TCF4: variants seen among roughly 807,000 people sequenced by gnomAD.
The protein encoded by TCF4 is transcription factor 4.
A neutral mutation model predicts 82.1 loss-of-function variants in TCF4; 3 were observed. The ratio of observed to expected loss-of-function variants is 0.04; its 90% CI spans 0.02 to 0.09. The LOEUF (loss-of-function observed/expected upper bound fraction) is 0.09, where lower values mean the gene tolerates loss of function less well. Among genes scored for constraint, TCF4 ranks in the 10% least tolerant of loss-of-function variants. The pLI is 1.00. For synonymous variants in TCF4, 276 were observed against 309.6 expected (o/e 0.89, Z 1.14); for missense variants, 518 against 852.7 (o/e 0.61, Z 4.89).
chr18:55,472,515 C>T (rs1199642288), intron 3 of TCF4, among the ~76,000 whole-genome samples: 2 of 152,012 alleles, frequency 1.3e-5, no homozygotes, highest in Admixed American at 1.3e-4. Context: ...AGAAGTTAGT[C>T]GTTTGGGGAT....
chr18:55,233,331 G>A (rs2048414424), intron 16 of TCF4, among the ~76,000 whole-genome samples: 1 of 152,142 alleles, frequency 6.6e-6, no homozygotes, highest in Admixed American at 6.5e-5. Flanking sequence ...TTTGTAATCT[G>A]TGTATTCTAG....
intron 9 of TCF4, 109 bp from the exon 10 acceptor site, chr18:55,275,861 T>C: frequency 5.0e-6 from 7 of 1,409,752 alleles, no homozygotes; most frequent in South Asian, 1.2e-5. Context: ...TATTCATCTT[T>C]GTGTTGGTTA....
intron 3 of TCF4, among the ~76,000 whole-genome samples, chr18:55,583,191 T>A (rs1325202194): frequency 2.0e-5 from 3 of 152,128 alleles, no homozygotes; most frequent in African/African-American, 7.2e-5. Context: ...AAGTAAACAT[T>A]TGGTCCTGAA....
At chr18:55,610,138 A>G (rs1011151137) in intron 2 of TCF4, among the ~76,000 whole-genome samples, 11 of 152,200 alleles carry the variant, frequency 7.2e-5, no homozygotes, top group African/African-American at 1.7e-4. Context: ...ACTTGGATCC[A>G]GAAAAGTAGA....
At position 55,476,422 on chromosome 18, in the gene TCF4, G is replaced by A. The variant is rs527481493; in HGVS notation, c.146-12285C>T. 5.9e-5 allele frequency among the ~76,000 whole-genome samples: 9 copies of A among 152,166 alleles called. No individual in the cohort carries two copies. In the South Asian group the frequency reaches 1.9e-3, roughly 32 times the overall value. ...TTATAATCAATATAAGGTAGAAACA[G>A]TCCCTTTAACCTTTAGATGAAGCCC... On this transcript the variant is annotated intron_variant, in intron 3 of 19. Transcript: ENST00000354452.
chr18:55,245,114 C>G (rs1035165959), intron 15 of TCF4, among the ~76,000 whole-genome samples: 3 of 152,158 alleles, frequency 2.0e-5, no homozygotes, highest in African/African-American at 7.2e-5. Context: ...AGGTAGAACC[C>G]TCGCATTACA....
intron 3 of TCF4, among the ~76,000 whole-genome samples, chr18:55,577,889 T>C (rs920064067): frequency 2.0e-5 from 3 of 152,226 alleles, no homozygotes; most frequent in Non-Finnish European, 4.4e-5. Context: ...GTTTAACTAT[T>C]TGAAGTTTAA....
intron 3 of TCF4, among the ~76,000 whole-genome samples, chr18:55,509,613 C>T (rs1392368657): frequency 2.0e-5 from 3 of 152,150 alleles, no homozygotes; most frequent in African/African-American, 4.8e-5. Flanking sequence ...TGGCTAGTGG[C>T]TTAATGTGAC....
chr18:55,363,662 C>T (rs998859344), intron 6 of TCF4, among the ~76,000 whole-genome samples: 2 of 151,986 alleles, frequency 1.3e-5, no homozygotes, highest in African/African-American at 4.8e-5. Flanking sequence ...AAAAATTAAC[C>T]AGGCGTGGTA....
In TCF4 at chr18:55,457,442, T is replaced by C. The variant is rs183367420; in HGVS notation, c.304+3577A>G. 9.2e-5 allele frequency among the ~76,000 whole-genome samples: 14 copies of C among 152,332 alleles called. No homozygotes were observed. The East Asian group carries it at 2.3e-3, about 25-fold the overall frequency. ...CACAAACTATCAAATAGTGCATTTT[T>C]CCACACACACAAGATTATTTCTAAA... On this transcript the variant is annotated intron_variant, in intron 5 of 19. Transcript: ENST00000354452.
At chr18:55,530,506 C>T (rs769546680) in intron 3 of TCF4, among the ~76,000 whole-genome samples, 10 of 114,220 alleles carry the variant, frequency 8.8e-5, no homozygotes, top group East Asian at 2.9e-4. Context: ...GATGGCTGGA[C>T]GGTAAAGGAA....
chr18:55,604,921 T>C (rs1182239630), intron 2 of TCF4, among the ~76,000 whole-genome samples: 1 of 152,248 alleles, frequency 6.6e-6, no homozygotes, highest in Non-Finnish European at 1.5e-5. Flanking sequence ...ACATAAGCAT[T>C]GAGGACCAAT....
intron 2 of TCF4, among the ~76,000 whole-genome samples, chr18:55,618,125 A>G (rs1211712980): frequency 6.6e-6 from 1 of 152,082 alleles, no homozygotes; most frequent in East Asian, 1.9e-4. Context: ...AATTCCTTCT[A>G]TACTTAGCTT....
intron 8 of TCF4, among the ~76,000 whole-genome samples, chr18:55,310,942 G>A (rs549385617): frequency 1.8e-4 from 28 of 152,238 alleles, no homozygotes; most frequent in African/African-American, 6.0e-4. Flanking sequence ...ACAAATATAT[G>A]TTTAGGGTAT....
chr18:55,594,393 G>C (rs949017168), intron 2 of TCF4, among the ~76,000 whole-genome samples: 1 of 152,110 alleles, frequency 6.6e-6, no homozygotes, highest in Admixed American at 6.5e-5. Flanking sequence ...ACTCCATGAT[G>C]CCAGAGTACA....
chr18:55,517,628 T>C (rs1355214050), intron 3 of TCF4, among the ~76,000 whole-genome samples: 1 of 152,186 alleles, frequency 6.6e-6, no homozygotes, highest in Non-Finnish European at 1.5e-5. Context: ...AATGGAGATA[T>C]GAATAATTCC....
intron 8 of TCF4, chr18:55,321,575 G>T: frequency 6.6e-7 from 1 of 1,518,874 alleles, no homozygotes; most frequent in Non-Finnish European, 8.8e-7. Context: ...CGGCAGTCCT[G>T]CACAACTTTG....
Position 55,533,792 on chromosome 18 carries a change from T to A in TCF4, c.145+51488A>T, listed in dbSNP as rs1296770274. 2.0e-5 allele frequency among the ~76,000 whole-genome samples: 3 copies of A among 152,206 alleles called. No individual in the cohort carries two copies. The East Asian group carries it at 5.8e-4, about 29-fold the overall frequency. On this transcript the variant is annotated intron_variant, in intron 3 of 19. Coordinates refer to ENST00000354452, the MANE Select transcript of TCF4 (RefSeq NM_001083962.2). ...GCCCAAATAAGGTATCAGACTGTTC[T>A]TTTCATCACCATGTTTCTGTGTTCT...
At chr18:55,356,375 C>A (rs1335075269) in intron 6 of TCF4, among the ~76,000 whole-genome samples, 3 of 152,132 alleles carry the variant, frequency 2.0e-5, no homozygotes, top group Non-Finnish European at 4.4e-5. Context: ...CAAGAAATGA[C>A]TAGGTTTTTT....
Sources: gnomAD v4.1 joint callset for allele counts (sites outside exome capture counted in the v4.1 genomes callset) on GRCh38, gnomAD v4.1.1 for gene constraint, MANE v1.5 for transcripts, NCBI Gene and HGNC (gene_info 2026-07-23, HGNC 2026-07-21) for gene names.